SESTD1: variants seen among roughly 807,000 people sequenced by gnomAD.
SESTD1 encodes the protein SEC14 and spectrin domain containing 1.
A neutral mutation model predicts 101.7 loss-of-function variants in SESTD1; 43 were observed. That is an observed-to-expected ratio of 0.42 (90% CI 0.33 to 0.55). The LOEUF (loss-of-function observed/expected upper bound fraction) is 0.55. Among genes scored for constraint, SESTD1 ranks in the 20% least tolerant of loss-of-function variants. The pLI, the probability that SESTD1 is intolerant of heterozygous loss-of-function variation, is 0.07. For synonymous variants in SESTD1, 283 were observed against 286.8 expected, an observed-to-expected ratio of 0.99 and a Z score of 0.13; for missense variants, 647 against 815.1, an observed-to-expected ratio of 0.79 and a Z score of 2.51.
intron 1 of SESTD1, among the ~76,000 whole-genome samples, chr2:179,198,077 G>C (rs1470415273): frequency 6.6e-6 from 1 of 151,938 alleles, no homozygotes; most frequent in Non-Finnish European, 1.5e-5. Flanking sequence ...CTCACATGCA[G>C]AGACACACAT....
intron 1 of SESTD1, among the ~76,000 whole-genome samples, chr2:179,233,940 G>C (rs2047022825): frequency 2.0e-5 from 3 of 152,118 alleles, no homozygotes; most frequent in African/African-American, 7.2e-5. Context: ...AGTAATTTCA[G>C]GTGTTGACTT....
chr2:179,222,860 T>C (rs1011330920), intron 1 of SESTD1, among the ~76,000 whole-genome samples: 6 of 152,172 alleles, frequency 3.9e-5, no homozygotes, highest in Non-Finnish European at 8.8e-5. Flanking sequence ...GTCCAGTGCT[T>C]CTCTCCACTA....
intron 10 of SESTD1, among the ~76,000 whole-genome samples, chr2:179,130,886 A>G (rs2044997125): frequency 6.6e-6 from 1 of 152,116 alleles, no homozygotes; most frequent in African/African-American, 2.4e-5. Context: ...ACATTATTTT[A>G]AAAGTACCAA....
intron 1 of SESTD1, among the ~76,000 whole-genome samples, chr2:179,224,535 T>C (rs527591939): frequency 3.9e-5 from 6 of 152,310 alleles, no homozygotes; most frequent in African/African-American, 1.4e-4. Flanking sequence ...GCTAATGAAA[T>C]GACTGATTGC....
chr2:179,120,316 C>T (rs918708948), intron 13 of SESTD1, among the ~76,000 whole-genome samples: 3 of 152,090 alleles, frequency 2.0e-5, no homozygotes, highest in African/African-American at 4.8e-5. Flanking sequence ...TAGATTTCAG[C>T]AGTACATGGG....
intron 1 of SESTD1, among the ~76,000 whole-genome samples, chr2:179,237,476 T>G (rs932149099): frequency 6.6e-6 from 1 of 152,148 alleles, no homozygotes; most frequent in Non-Finnish European, 1.5e-5. Flanking sequence ...TAAAAACATG[T>G]GCTTTACAAA....
At chr2:179,190,101 T>C (rs1417886744) in intron 2 of SESTD1, among the ~76,000 whole-genome samples, 1 of 152,136 alleles carries the variant, frequency 6.6e-6, no homozygotes, top group African/African-American at 2.4e-5. Context: ...ACAGCAATTC[T>C]AAGCAAAAAG....
At position 179,201,866 on chromosome 2, in the gene SESTD1, A is replaced by G. The variant is rs573342143; in HGVS notation, c.-25-10000T>C. On this transcript the variant is annotated intron_variant, in intron 1 of 17. Transcript: ENST00000428443. ...TGCAGCGCACCAGCATGGCACATGT[A>G]TACATATGTAACTAACCTGCACATT... Among the ~76,000 whole-genome samples, 37 of 128,760 alleles carry G rather than the reference A, an allele frequency of 2.9e-4. 6 individuals carry two copies. The highest frequency in any genetic ancestry group is 1.2e-3 in the African/African-American group (37 of 31,866). 84.5% of individuals were successfully genotyped at this position (128,760 alleles called of 152,430 possible).
chr2:179,188,290 C>T (rs2046266191), intron 2 of SESTD1, among the ~76,000 whole-genome samples: 2 of 152,148 alleles, frequency 1.3e-5, no homozygotes, highest in South Asian at 2.1e-4. Flanking sequence ...CTCAAAACCA[C>T]ACAATTACAT....
At chr2:179,243,371 C>A (rs2047182447) in intron 1 of SESTD1, among the ~76,000 whole-genome samples, 1 of 152,174 alleles carries the variant, frequency 6.6e-6, no homozygotes, top group African/African-American at 2.4e-5. Context: ...TAACTTAAAA[C>A]AGGACTACCA....
At chr2:179,193,983 T>C (rs2046354907) in intron 1 of SESTD1, among the ~76,000 whole-genome samples, 1 of 152,092 alleles carries the variant, frequency 6.6e-6, no homozygotes, top group Non-Finnish European at 1.5e-5. Flanking sequence ...CATAACTCAC[T>C]CTCTCGGGAT....
chr2:179,256,710 G>A (rs2047398887), intron 1 of SESTD1, among the ~76,000 whole-genome samples: 1 of 151,558 alleles, frequency 6.6e-6, no homozygotes, highest in East Asian at 1.9e-4. Flanking sequence ...TACTCGGGAA[G>A]CTGAGACAGG....
chr2:179,108,830 G>A lies in SESTD1; in HGVS notation c.*1069C>T, dbSNP rs1038906926. 72 of 151,896 alleles carry A rather than the reference G, an allele frequency of 4.7e-4. No homozygotes were observed. The highest frequency in any genetic ancestry group is 1.4e-3 in the African/African-American group (59 of 41,444). 9.4% of individuals were successfully genotyped at this position (151,896 alleles called of 1,614,324 possible). A position where few individuals can be genotyped will look rare whatever the true frequency, so the allele number is the denominator to read the frequency against. ...TTTCATGATAAATTTTATTTCTAAA[G>A]GGGTCATACAGTTCTGTTATTGGAC... On this transcript the variant is annotated 3_prime_UTR_variant, in exon 18 of 18. Coordinates refer to ENST00000428443, the MANE Select transcript of SESTD1 (RefSeq NM_178123.5).
chr2:179,155,841 C>T (rs1029396743), intron 5 of SESTD1, among the ~76,000 whole-genome samples: 1 of 152,020 alleles, frequency 6.6e-6, no homozygotes, highest in Non-Finnish European at 1.5e-5. Flanking sequence ...ACCCATCACC[C>T]GAGCAGTATA....
At chr2:179,215,188 A>G (rs1226702901) in intron 1 of SESTD1, among the ~76,000 whole-genome samples, 1 of 135,086 alleles carries the variant, frequency 7.4e-6, no homozygotes, top group Non-Finnish European at 1.6e-5. Context: ...CAAAAAAATC[A>G]ATGAATGCAG....
intron 6 of SESTD1, 35 bp downstream of exon 6, chr2:179,151,243 T>A (rs376669039): frequency 3.9e-6 from 5 of 1,291,196 alleles, no homozygotes; most frequent in Non-Finnish European, 5.3e-6. Context: ...CTTATTTCTA[T>A]GCAATAACAT....
intron 1 of SESTD1, among the ~76,000 whole-genome samples, chr2:179,222,867 A>C (rs946564076): frequency 2.6e-5 from 4 of 152,318 alleles, no homozygotes; most frequent in South Asian, 2.1e-4. Flanking sequence ...GCTTCTCTCC[A>C]CTATATTACA....
At chr2:179,260,533 TAGAA>T (rs1160051921) in intron 1 of SESTD1, among the ~76,000 whole-genome samples, 3 of 151,818 alleles carry the variant, frequency 2.0e-5, no homozygotes, top group Admixed American at 1.3e-4. Flanking sequence ...AAAAAAAAAT[TAGAA>T]AGGTCATCTC....
intron 9 of SESTD1, 49 bp from the exon 10 acceptor site, chr2:179,132,475 C>T (rs375147633): frequency 1.5e-5 from 23 of 1,528,844 alleles, no homozygotes; most frequent in Non-Finnish European, 2.0e-5. Flanking sequence ...AGAAACTTTT[C>T]AAACTTTCAT....
Sources: gnomAD v4.1 joint callset for allele counts (sites outside exome capture counted in the v4.1 genomes callset) on GRCh38, gnomAD v4.1.1 for gene constraint, MANE v1.5 for transcripts, NCBI Gene and HGNC (gene_info 2026-07-23, HGNC 2026-07-21) for gene names.